The following DLGAP1 variants were observed in gnomAD, a reference collection of about 807,000 sequenced individuals.
DLGAP1 encodes DLG associated protein 1.
A neutral mutation model predicts 90.8 loss-of-function variants in DLGAP1; 11 were observed. That is an observed-to-expected ratio of 0.12 (90% confidence interval 0.08 to 0.20). The LOEUF is 0.20. DLGAP1 is among the 10% of genes least tolerant of loss of function. The pLI is 1.00. For synonymous variants in DLGAP1, 558 were observed against 540.7 expected, an observed-to-expected ratio of 1.03 and a Z score of -0.44; for missense variants, 1,050 against 1,333.8, an observed-to-expected ratio of 0.79 and a Z score of 3.31.
chr18:4,143,831 G>A (rs951831101), intron 2 of DLGAP1, among the ~76,000 whole-genome samples: 1 of 152,178 alleles, frequency 6.6e-6, no homozygotes, highest in African/African-American at 2.4e-5. Context: ...TACTCATCAA[G>A]TGATGAATCC....
chr18:4,293,607 C>A (rs1489842223), intron 1 of DLGAP1: 2 of 150,684 alleles, frequency 1.3e-5, no homozygotes, highest in Non-Finnish European at 2.9e-5. Flanking sequence ...ATGTACAAGA[C>A]CATTTGGTAT....
chr18:4,131,071 T>C (rs2076306929), intron 2 of DLGAP1, among the ~76,000 whole-genome samples: 1 of 152,140 alleles, frequency 6.6e-6, no homozygotes, highest in African/African-American at 2.4e-5. Context: ...TACAGTGTCT[T>C]TTTTTTCAGA....
intron 5 of DLGAP1, among the ~76,000 whole-genome samples, chr18:3,756,573 G>A (rs1351163138): frequency 1.3e-5 from 2 of 151,812 alleles, no homozygotes; most frequent in East Asian, 3.9e-4. Flanking sequence ...TTGAAAAAGA[G>A]CAATTTAAAT....
chr18:3,956,198 A>G (rs1215185609), intron 3 of DLGAP1, among the ~76,000 whole-genome samples: 1 of 152,236 alleles, frequency 6.6e-6, no homozygotes, highest in Non-Finnish European at 1.5e-5. Context: ...TTCTTCATAG[A>G]GGAACACATT....
In DLGAP1 at chr18:3,582,125, T is replaced by C; in HGVS notation, c.1715A>G (p.Asp572Gly). ...STESAQDAYM[D>G]GQGQRGDIIS... is the part of the protein sequence containing the mutation. ...AATATCTCCTCGCTGGCCCTGTCCGTCCATGTAGGCATCCTGGGCTGACTC... is the reference window on the plus strand; with the variant it reads ...AATATCTCCTCGCTGGCCCTGTCCGCCCATGTAGGCATCCTGGGCTGACTC... Residue 572 changes from aspartate (D) to glycine (G), a missense_variant, in exon 8 of 13, where the codon GAC becomes GGC. Asp to Gly is a moderately conservative substitution (Grantham distance 94). This residue lies in a region of DLGAP1 where 565 missense variants were observed against 879.7 expected (regional missense o/e 0.64). Transcript: ENST00000315677. The C allele has an allele frequency of 1.2e-6, 2 of 1,613,998 alleles. 1 individual carries two copies. Among genetic ancestry groups the C allele is most frequent in the South Asian group, 2.2e-5 (2 of 91,074 alleles).
chr18:4,376,344 T>C (rs1295936304), intron 1 of DLGAP1, among the ~76,000 whole-genome samples: 2 of 152,182 alleles, frequency 1.3e-5, no homozygotes, highest in Admixed American at 1.3e-4. Flanking sequence ...TTTTCCATGA[T>C]GTAAAAGCAC....
intron 7 of DLGAP1, among the ~76,000 whole-genome samples, chr18:3,613,408 G>A (rs1018540599): frequency 6.6e-6 from 1 of 151,656 alleles, no homozygotes; most frequent in South Asian, 2.1e-4. Flanking sequence ...CATGGCTCAC[G>A]GCAGCTTCAA....
chr18:3,970,805 C>A (rs899560041), intron 3 of DLGAP1, among the ~76,000 whole-genome samples: 61 of 152,232 alleles, frequency 4.0e-4, no homozygotes, highest in African/African-American at 1.4e-3. Flanking sequence ...TTTCTTCCCC[C>A]TAATTGAACT....
intron 4 of DLGAP1, chr18:3,874,653 G>A: frequency 1.3e-6 from 2 of 1,535,456 alleles, no homozygotes; most frequent in Non-Finnish European, 1.7e-6. Flanking sequence ...AAATGTATAA[G>A]AGCCAACCAC....
At chr18:3,500,344 A>T (rs867757099) in intron 12 of DLGAP1, among the ~76,000 whole-genome samples, 1 of 152,236 alleles carries the variant, frequency 6.6e-6, no homozygotes. Flanking sequence ...GAAGTTGTAG[A>T]CTGTGAAAGG....
chr18:4,349,521 A>G (rs2081364475), intron 1 of DLGAP1, among the ~76,000 whole-genome samples: 1 of 152,104 alleles, frequency 6.6e-6, no homozygotes, highest in Non-Finnish European at 1.5e-5. Flanking sequence ...GGGAGATGTT[A>G]GTCAAAGGGT....
At chr18:3,562,199 C>T (rs1057401538) in intron 9 of DLGAP1, among the ~76,000 whole-genome samples, 2 of 151,954 alleles carry the variant, frequency 1.3e-5, no homozygotes, top group Non-Finnish European at 2.9e-5. Context: ...TGCACTCCAG[C>T]CTGGGCAACA....
At chr18:4,420,683 C>T (rs1253242126) in intron 1 of DLGAP1, among the ~76,000 whole-genome samples, 1 of 152,198 alleles carries the variant, frequency 6.6e-6, no homozygotes, top group Non-Finnish European at 1.5e-5. Flanking sequence ...CCTAATATCA[C>T]ACTACTGGAC....
In DLGAP1 at chr18:4,090,469, C is replaced by T. The variant is rs548939042; in HGVS notation, c.-159+60711G>A. ...GACACTTCTTCAAAGAAGACATTTA[C>T]GTAGCTAACAAACATATGAAAAGAA... is the stretch of plus-strand genomic sequence containing the variant. On this transcript the variant is annotated intron_variant, in intron 2 of 12. Transcript: ENST00000315677. Among the ~76,000 whole-genome samples the T allele has an allele frequency of 1.1e-4, 17 of 152,232 alleles. No individual in the cohort carries two copies. In the East Asian group the frequency reaches 1.2e-3, roughly 10 times the overall value.
rs113585667 is a variant in DLGAP1 at position 3,879,237 on chromosome 18, C to T, written c.832G>A (p.Ala278Thr). The change falls in exon 4 of 13, where the codon GCC becomes ACC. Residue 278 changes from alanine (A) to threonine (T), a missense_variant. Ala to Thr is a moderately conservative substitution (Grantham distance 58, BLOSUM62 0). This residue lies in a region of DLGAP1 where 485 missense variants were observed against 454.1 expected (regional missense o/e 1.07). Coordinates refer to ENST00000315677, the MANE Select transcript of DLGAP1 (RefSeq NM_004746.4). The surrounding 1 kb of genome is among the most constrained non-coding windows in gnomAD (Gnocchi z 6.6). ...SLDTPLLKKS[A>T]WSSTLTVSRA... Reference sequence around the variant, plus strand: ...CTCACGGTGAGCGTGGAGGACCAGGCGCTCTTCTTCAGCAGCGGGGTGTCC... The same window carrying T: ...CTCACGGTGAGCGTGGAGGACCAGGTGCTCTTCTTCAGCAGCGGGGTGTCC... 6 of 1,594,884 alleles carry T rather than the reference C, an allele frequency of 3.8e-6. No homozygotes were observed. The highest frequency in any genetic ancestry group is 2.3e-5 in the South Asian group (2 of 87,706).
At chr18:3,911,309 A>T (rs1366307510) in intron 3 of DLGAP1, among the ~76,000 whole-genome samples, 1 of 152,212 alleles carries the variant, frequency 6.6e-6, no homozygotes, top group Admixed American at 6.5e-5. Context: ...ATTTTGCATA[A>T]ATTATCTCAA....
At chr18:3,589,077 A>C (rs917266747) in intron 7 of DLGAP1, among the ~76,000 whole-genome samples, 3 of 151,848 alleles carry the variant, frequency 2.0e-5, no homozygotes, top group East Asian at 1.9e-4. Context: ...AATCCCAGCT[A>C]TTTGGGAGGC....
At chr18:4,059,835 T>C (rs12965698) in intron 2 of DLGAP1, among the ~76,000 whole-genome samples, 188 of 152,132 alleles carry the variant, frequency 1.2e-3, no homozygotes, top group Non-Finnish European at 2.3e-3. Context: ...ATAACTGAGA[T>C]TAGAACAAGG....
chr18:3,855,287 G>T (rs2069571116), intron 4 of DLGAP1, among the ~76,000 whole-genome samples: 1 of 152,140 alleles, frequency 6.6e-6, no homozygotes, highest in Non-Finnish European at 1.5e-5. Context: ...CTTGAGGGTG[G>T]AGGGAGGGAG....
Sources: gnomAD v4.1 joint callset for allele counts (sites outside exome capture counted in the v4.1 genomes callset) on GRCh38, gnomAD v4.1.1 for gene constraint, gnomAD v4.1.1 regional missense constraint, Gnocchi (gnomAD v3.1) non-coding constraint, MANE v1.5 for transcripts, NCBI Gene and HGNC (gene_info 2026-07-23, HGNC 2026-07-21) for gene names.